Variants in MMS22L observed in about 807,000 individuals in gnomAD.
The protein encoded by MMS22L is protein MMS22-like.
MMS22L carries 74 observed loss-of-function variants against 159.1 expected under a neutral mutation model. That is an observed-to-expected ratio of 0.47 (90% CI 0.39 to 0.56). The LOEUF (loss-of-function observed/expected upper bound fraction) is 0.56. MMS22L is among the 20% of genes least tolerant of loss of function. The pLI is 0.00. For synonymous variants in MMS22L, 517 were observed against 506.9 expected (o/e 1.02, Z -0.27); for missense variants, 1,351 against 1,422.1 (o/e 0.95, Z 0.80).
chr6:97,267,067 T>C (rs1236718086), intron 8 of MMS22L: 4 of 152,146 alleles, frequency 2.6e-5, no homozygotes, highest in Non-Finnish European at 2.9e-5. Context: ...TATACACATA[T>C]CAAAACATGA....
At chr6:97,155,466 C>A (rs537134050) in intron 22 of MMS22L, among the ~76,000 whole-genome samples, 16 of 152,220 alleles carry the variant, frequency 1.1e-4, no homozygotes, top group African/African-American at 3.4e-4. Flanking sequence ...CTCCCCCAGT[C>A]CCCCACCTCC....
chr6:97,254,568 G>A lies in MMS22L; in HGVS notation c.1108C>T (p.Pro370Ser). The A allele has an allele frequency of 6.2e-7, 1 of 1,612,614 alleles. No individual in the cohort carries two copies. Among genetic ancestry groups the A allele is most frequent in the Non-Finnish European group, 8.5e-7 (1 of 1,179,400 alleles). The stretch of plus-strand genomic sequence containing the variant: ...AAATGAAGTCTTACCATTTCATCTG[G>A]TACTCCATGGCGATCAAACTTGTAA... ...SFYKFDRHGV[P>S]DEMRKVESNW... Residue 370 changes from proline (P) to serine (S), a missense_variant, in exon 10 of 25, where the codon CCA becomes TCA. Pro to Ser is a moderately conservative substitution (Grantham distance 74). Transcript: ENST00000683635.
rs1417623538 is a variant in MMS22L at position 97,227,433 on chromosome 6, T to C, written c.2039+1461A>G. On this transcript the variant is annotated intron_variant, in intron 14 of 24. Coordinates refer to ENST00000683635, the MANE Select transcript of MMS22L (RefSeq NM_001350599.2). Reference sequence around the variant, plus strand: ...TTCTTGTTTTGTATATTCAGACAGATATATAGAGACAAACCAAAACTGATA... The same window carrying C: ...TTCTTGTTTTGTATATTCAGACAGACATATAGAGACAAACCAAAACTGATA... 2.6e-5 allele frequency among the ~76,000 whole-genome samples: 4 copies of C among 152,274 alleles called. No homozygotes were observed. In the South Asian group the frequency reaches 6.2e-4, roughly 24 times the overall value.
At chr6:97,217,315 G>A (rs552637776) in intron 14 of MMS22L, among the ~76,000 whole-genome samples, 3 of 151,894 alleles carry the variant, frequency 2.0e-5, no homozygotes, top group Admixed American at 1.3e-4. Context: ...GCGCATTCTC[G>A]GCTCACTGAA....
At chr6:97,250,590 G>T (rs1029976670) in intron 10 of MMS22L, among the ~76,000 whole-genome samples, 2 of 151,990 alleles carry the variant, frequency 1.3e-5, no homozygotes, top group African/African-American at 2.4e-5. Flanking sequence ...AAACAGAAAC[G>T]TAAGAAAATC....
intron 9 of MMS22L, among the ~76,000 whole-genome samples, chr6:97,256,341 TGTGCTTTAGCC>T (rs1284307517): frequency 6.6e-6 from 1 of 152,170 alleles, no homozygotes; most frequent in Non-Finnish European, 1.5e-5. Flanking sequence ...ACTATTACTA[TGTGCTTTAGCC>T]GTTTTTTAAT....
intron 21 of MMS22L, among the ~76,000 whole-genome samples, chr6:97,164,714 T>G (rs1582420463): frequency 6.6e-6 from 1 of 152,158 alleles, no homozygotes; most frequent in East Asian, 1.9e-4. Flanking sequence ...CCTCCCAGAT[T>G]CAAGCAATTC....
intron 2 of MMS22L, 72 bp downstream of exon 2, chr6:97,282,242 C>T (rs768882091): frequency 6.7e-7 from 1 of 1,492,990 alleles, no homozygotes; most frequent in Non-Finnish European, 9.1e-7. Flanking sequence ...GTTTAATGGG[C>T]TGAAATAACT....
chr6:97,238,572 CGTGTGTGTGTGTGTGT>C (rs71740630), intron 11 of MMS22L, among the ~76,000 whole-genome samples: 3 of 91,434 alleles, frequency 3.3e-5, no homozygotes, highest in South Asian at 3.8e-4. Flanking sequence ...TGTCTCATCT[CGTGTGTGTGTGTGTGT>C]GTGTGTGTGT....
intron 11 of MMS22L, among the ~76,000 whole-genome samples, chr6:97,236,990 G>C (rs1207799944): frequency 1.3e-5 from 2 of 151,596 alleles, no homozygotes; most frequent in African/African-American, 4.8e-5. Flanking sequence ...ATTAGAAGCA[G>C]GCATATTCAT....
intron 19 of MMS22L, among the ~76,000 whole-genome samples, chr6:97,171,387 G>A (rs1803530046): frequency 6.6e-6 from 1 of 152,070 alleles, no homozygotes; most frequent in Admixed American, 6.6e-5. Context: ...GGAAAAGTGG[G>A]GAAATTTGCA....
At chr6:97,157,434 A>G (rs148163816) in intron 22 of MMS22L, among the ~76,000 whole-genome samples, 1,983 of 152,332 alleles carry the variant, frequency 0.013, 17 homozygotes, top group Admixed American at 0.023. Flanking sequence ...TTGTCCATTC[A>G]GTACGATATT....
intron 4 of MMS22L, among the ~76,000 whole-genome samples, chr6:97,277,992 T>C (rs1278241963): frequency 2.0e-5 from 3 of 152,118 alleles, no homozygotes; most frequent in Non-Finnish European, 4.4e-5. Context: ...GACCCACAAT[T>C]AGCTAGGGTT....
rs142989489 is a variant in MMS22L, at chr6:97,224,929, T to G, written c.2039+3965A>C. On this transcript the variant is annotated intron_variant, in intron 14 of 24. Coordinates refer to ENST00000683635, the MANE Select transcript of MMS22L (RefSeq NM_001350599.2). ...TAAAAAGAAAAGAAAATTAAGTAAG[T>G]TAATTAAAAATATAGTGTAAGAAGG... Among the ~76,000 whole-genome samples, 107 of 152,238 alleles carry G rather than the reference T, an allele frequency of 7.0e-4. No individual in the cohort carries two copies. In the East Asian group the frequency reaches 8.9e-3, roughly 13 times the overall value.
In MMS22L at chr6:97,270,059, T is replaced by C. The variant is rs116940653; in HGVS notation, c.607-67A>G. 2,205 of 1,194,334 alleles carry C rather than the reference T, an allele frequency of 1.8e-3. 46 individuals are homozygous for C. The East Asian group carries it at 0.049, about 26-fold the overall frequency. The allele number at this position is 1,194,334 out of a possible 1,614,324, so 74.0% of individuals were successfully genotyped here. A position where few individuals can be genotyped will look rare whatever the true frequency, so the allele number is the denominator to read the frequency against. ...ATTTTACTAGGTATTTCATAGCATG[T>C]CACAATACTCCTCCATAAACACAAG... On this transcript the variant is annotated intron_variant, in intron 6 of 24. Transcript: ENST00000683635.
chr6:97,160,529 A>G (rs983439137), intron 22 of MMS22L, among the ~76,000 whole-genome samples: 6 of 151,960 alleles, frequency 3.9e-5, no homozygotes, highest in Admixed American at 1.3e-4. Context: ...GGCTACTTCC[A>G]AGATTTTCTT....
intron 22 of MMS22L, among the ~76,000 whole-genome samples, chr6:97,159,782 T>C (rs912951003): frequency 6.6e-6 from 1 of 151,916 alleles, no homozygotes; most frequent in Non-Finnish European, 1.5e-5. Flanking sequence ...ATATGAAACA[T>C]AAATGAATTT....
Position 97,233,992 on chromosome 6 carries a change from A to T in MMS22L, c.1183-12T>A. 6.2e-7 allele frequency: 1 copy of T among 1,605,766 alleles called. No individual in the cohort carries two copies. The highest frequency in any genetic ancestry group is 8.5e-7 in the Non-Finnish European group (1 of 1,176,894). ...TCTAGAATGACACCCTAAAAAATAA[A>T]CTGAAGTTATGAGAAGGTAAATGGG... On this transcript the variant is annotated splice_polypyrimidine_tract_variant and intron_variant, in intron 11 of 24. Transcript: ENST00000683635.
intron 14 of MMS22L, among the ~76,000 whole-genome samples, chr6:97,210,983 T>C (rs1311006198): frequency 6.6e-6 from 1 of 151,936 alleles, no homozygotes; most frequent in Non-Finnish European, 1.5e-5. Context: ...ACATAAAAAC[T>C]TGGTGGCATT....
Sources: gnomAD v4.1 joint callset for allele counts (sites outside exome capture counted in the v4.1 genomes callset) on GRCh38, gnomAD v4.1.1 for gene constraint, MANE v1.5 for transcripts, NCBI Gene and HGNC (gene_info 2026-07-23, HGNC 2026-07-21) for gene names.